Variants in PTPRN2 observed in about 807,000 individuals in gnomAD.
PTPRN2 encodes the protein receptor-type tyrosine-protein phosphatase N2.
In PTPRN2, 74 loss-of-function variants were observed where a neutral mutation model predicts 118.8. The ratio of observed to expected loss-of-function variants is 0.62; its 90% CI spans 0.52 to 0.76. The LOEUF (loss-of-function observed/expected upper bound fraction) is 0.76, where lower values mean the gene tolerates loss of function less well. Ranked by LOEUF, PTPRN2 falls within the 30% of genes least tolerant of loss-of-function variation. PTPRN2 has a pLI of 0.00. For missense variants in PTPRN2, 1,481 were observed against 1,394.4 expected, an observed-to-expected ratio of 1.06 and a Z score of -0.99; for synonymous variants, 641 against 608.0, an observed-to-expected ratio of 1.05 and a Z score of -0.80.
At position 158,532,723 on chromosome 7, in the gene PTPRN2, C is replaced by T. The variant is rs114151270; in HGVS notation, c.113-42938G>A. 2,478 of 534,428 alleles carry T rather than the reference C, an allele frequency of 4.6e-3. 49 individuals are homozygous for T. The highest frequency in any genetic ancestry group is 0.042 in the African/African-American group (2,205 of 52,002). The allele number at this position is 534,428 out of a possible 1,614,324, so 33.1% of individuals were successfully genotyped here. ...CAAAACAACAAAAACCAGCAACAGGCGCTTCCTCCAGACACACCACGGCAC... is the reference window on the plus strand; with the variant it reads ...CAAAACAACAAAAACCAGCAACAGGTGCTTCCTCCAGACACACCACGGCAC... On this transcript the variant is annotated intron_variant, in intron 1 of 22. Transcript: ENST00000389418.
intron 3 of PTPRN2, among the ~76,000 whole-genome samples, chr7:158,259,611 C>A (rs1356299056): frequency 6.6e-6 from 1 of 152,218 alleles, no homozygotes; most frequent in Non-Finnish European, 1.5e-5. Flanking sequence ...GGGGATCCCA[C>A]CTGCTCCCAC....
intron 6 of PTPRN2, among the ~76,000 whole-genome samples, chr7:158,139,799 CAG>C (rs1448306311): frequency 3.9e-5 from 6 of 152,182 alleles, no homozygotes; most frequent in African/African-American, 7.2e-5. Flanking sequence ...ATACAATGTG[CAG>C]AGTCAGGCAT....
chr7:158,568,458 GA>G (rs200900673), intron 1 of PTPRN2, among the ~76,000 whole-genome samples: 160 of 136,306 alleles, frequency 1.2e-3, no homozygotes, highest in Middle Eastern at 7.5e-3. Flanking sequence ...GTTTGGAGAA[GA>G]AAAAAAAAAA....
intron 2 of PTPRN2, among the ~76,000 whole-genome samples, chr7:158,398,723 TATCTCCAC>T (rs1812716079): frequency 1.3e-5 from 2 of 152,200 alleles, no homozygotes; most frequent in Non-Finnish European, 2.9e-5. Flanking sequence ...TTCATCTCCA[TATCTCCAC>T]ATGACACATT....
chr7:158,081,252 G>T, intron 11 of PTPRN2, 46 bp downstream of exon 11: 1 of 1,477,658 alleles, frequency 6.8e-7, no homozygotes, highest in South Asian at 1.2e-5. Flanking sequence ...GTGTGTGTGT[G>T]CACACACGTG....
At position 157,576,797 on chromosome 7, in the gene PTPRN2, AG is replaced by A; in HGVS notation, c.2617-19del. Reference sequence around the variant, plus strand: ...AGGTTCACCTGGCAGGGAGGAGCGGAGGGAGGGGACAGAGACAGGTGTGGAC... The same window carrying A: ...AGGTTCACCTGGCAGGGAGGAGCGGAGGAGGGGACAGAGACAGGTGTGGAC... On this transcript the variant is annotated intron_variant, in intron 18 of 22. Coordinates refer to ENST00000389418, the MANE Select transcript of PTPRN2 (RefSeq NM_002847.5). 1 of 1,583,562 alleles carries A rather than the reference AG, an allele frequency of 6.3e-7. No individual in the cohort carries two copies. Among genetic ancestry groups the A allele is most frequent in the Admixed American group, 1.8e-5 (1 of 56,538 alleles).
intron 6 of PTPRN2, among the ~76,000 whole-genome samples, chr7:158,145,123 G>A (rs1411145244): frequency 3.1e-5 from 4 of 129,376 alleles, no homozygotes; most frequent in African/African-American, 6.0e-5. Context: ...ACATCATCGC[G>A]AGAAGGTTCC....
chr7:157,866,672 C>G lies in PTPRN2; in HGVS notation c.1788+32001G>C, dbSNP rs924184504. ...GGGTCTGCACCGAGGCTGTCTGGCC[C>G]GAGTCCCAGGCTCGCCCCAGTGCTT... is the stretch of plus-strand genomic sequence containing the variant. On this transcript the variant is annotated intron_variant, in intron 12 of 22. Transcript: ENST00000389418. Among the ~76,000 whole-genome samples the G allele has an allele frequency of 2.0e-5, 3 of 152,150 alleles. 1 individual carries two copies. Among genetic ancestry groups the G allele is most frequent in the South Asian group, 4.1e-4 (2 of 4,828 alleles).
At position 158,133,735 on chromosome 7, in the gene PTPRN2, G is replaced by C. The variant is rs964240086; in HGVS notation, c.1498C>G (p.Gln500Glu). The change falls in exon 9 of 23, where the codon CAA becomes GAA. Residue 500 changes from glutamine (Q) to glutamate (E), a missense_variant. Transcript: ENST00000389418. ...TCCTCGGAAGGCTGGACCTCCAATT[G>C]CAGGCCGTCGCTGAGGGCCTCCTGA... ...GAQEALSDGL[Q>E]LEVQPSEEEA... The C allele has an allele frequency of 7.4e-6, 12 of 1,611,960 alleles. No individual in the cohort carries two copies. The highest frequency in any genetic ancestry group is 9.3e-6 in the Non-Finnish European group (11 of 1,178,904).
intron 17 of PTPRN2, 64 bp downstream of exon 17, chr7:157,595,174 A>T: frequency 2.7e-6 from 4 of 1,475,730 alleles, no homozygotes; most frequent in Non-Finnish European, 3.8e-6. Context: ...TCAAGACATG[A>T]TTCGTGACCC....
At chr7:158,320,001 ACT>A (rs1230891771) in intron 2 of PTPRN2, among the ~76,000 whole-genome samples, 3 of 47,722 alleles carry the variant, frequency 6.3e-5, no homozygotes, top group East Asian at 6.5e-4. Context: ...CCTCACACAC[ACT>A]CACACAGCCT....
At chr7:157,789,474 G>A (rs1212492044) in intron 12 of PTPRN2, among the ~76,000 whole-genome samples, 1 of 152,212 alleles carries the variant, frequency 6.6e-6, no homozygotes, top group Non-Finnish European at 1.5e-5. Context: ...GAGGCTCGTG[G>A]GAGGCCTCCA....
intron 3 of PTPRN2, among the ~76,000 whole-genome samples, chr7:158,225,168 G>A (rs1047453136): frequency 4.0e-5 from 6 of 151,748 alleles, no homozygotes; most frequent in Non-Finnish European, 8.8e-5. Context: ...AATGGTTTGA[G>A]AGTTCCTTTA....
intron 1 of PTPRN2, among the ~76,000 whole-genome samples, chr7:158,549,989 G>A (rs921645043): frequency 2.0e-5 from 3 of 152,214 alleles, no homozygotes; most frequent in Non-Finnish European, 4.4e-5. Context: ...TCTGTGCCGC[G>A]CCTCGCCGTC....
intron 13 of PTPRN2, 127 bp from the exon 14 acceptor site, chr7:157,656,678 G>A (rs1806119633): frequency 3.9e-6 from 4 of 1,013,958 alleles, no homozygotes; most frequent in East Asian, 2.6e-5. Context: ...GCAGGCGAGA[G>A]TTTACCCCAG....
chr7:157,815,456 G>A (rs1052563809), intron 12 of PTPRN2, among the ~76,000 whole-genome samples: 1 of 152,236 alleles, frequency 6.6e-6, no homozygotes, highest in African/African-American at 2.4e-5. Context: ...GAGAAGCACC[G>A]CTGCCGAGGT....
At position 158,003,472 on chromosome 7, in the gene PTPRN2, GTTC is replaced by G. The variant is rs1169417665; in HGVS notation, c.1723+77823_1723+77825del. Among the ~76,000 whole-genome samples, 1 of 151,440 alleles carries G rather than the reference GTTC, an allele frequency of 6.6e-6. No individual in the cohort carries two copies. On this transcript the variant is annotated intron_variant, in intron 11 of 22. Coordinates refer to ENST00000389418, the MANE Select transcript of PTPRN2 (RefSeq NM_002847.5). The surrounding 1 kb of genome is among the most constrained non-coding windows in gnomAD (Gnocchi z 5.0). ...GGGGCCCCAATCCAATAGGACCTGTGTTCTTCAGGAAGAGGAAGAGACACACAG... is the reference window on the plus strand; with the variant it reads ...GGGGCCCCAATCCAATAGGACCTGTGTTCAGGAAGAGGAAGAGACACACAG...
intron 12 of PTPRN2, among the ~76,000 whole-genome samples, chr7:157,758,116 G>A (rs1208029179): frequency 6.6e-6 from 1 of 152,250 alleles, no homozygotes; most frequent in East Asian, 1.9e-4. Flanking sequence ...GGGAGATGCG[G>A]TCGCGGGATG....
intron 3 of PTPRN2, among the ~76,000 whole-genome samples, chr7:158,311,398 G>A (rs1029428977): frequency 3.3e-5 from 5 of 150,696 alleles, no homozygotes; most frequent in Non-Finnish European, 7.4e-5. Context: ...ACAGCAAATT[G>A]CATGCCAACG....
Sources: allele counts gnomAD v4.1 joint callset (sites outside exome capture counted in the v4.1 genomes callset), GRCh38; gene constraint gnomAD v4.1.1; non-coding constraint Gnocchi (gnomAD v3.1); transcripts MANE v1.5; gene names NCBI Gene and HGNC (gene_info 2026-07-23, HGNC 2026-07-21).